The following PAXBP1 variants were observed in gnomAD, a reference collection of about 807,000 sequenced individuals.
The protein encoded by PAXBP1 is PAX3 and PAX7 binding protein 1.
In PAXBP1, 44 loss-of-function variants were observed where a neutral mutation model predicts 119.9. The ratio of observed to expected loss-of-function variants is 0.37; its 90% CI spans 0.29 to 0.47. PAXBP1 has a LOEUF of 0.47. Among genes scored for constraint, PAXBP1 ranks in the 20% least tolerant of loss-of-function variants. The pLI is 0.99. For missense variants in PAXBP1, 898 were observed against 1,134.1 expected (o/e 0.79, Z 2.99); for synonymous variants, 393 against 406.6 (o/e 0.97, Z 0.40).
chr21:32,740,957 T>G (rs1254340803), intron 15 of PAXBP1, among the ~76,000 whole-genome samples: 1 of 151,926 alleles, frequency 6.6e-6, no homozygotes, highest in Non-Finnish European at 1.5e-5. Flanking sequence ...ATAAACAAAT[T>G]CCAAATAAGC....
Position 32,771,335 on chromosome 21 carries a change from C to A in PAXBP1, c.334G>T (p.Glu112Ter). ...GAAGCGCGCACTTTACCTTCCTCCT[C>A]GTCCTGGAAGCTGAGCAGGCTGGCC... The part of the protein sequence containing the change: ...PRASLLSFQD[E>*]EEENEEVFKV... The change falls in exon 1 of 18, where the codon GAG becomes TAG. Residue 112 changes from glutamate to a stop codon, truncating the protein, a stop_gained. Coordinates refer to ENST00000331923, the MANE Select transcript of PAXBP1 (RefSeq NM_016631.4). LOFTEE classifies it high-confidence loss of function. 3 of 1,582,876 alleles carry A rather than the reference C, an allele frequency of 1.9e-6. No individual in the cohort carries two copies. The highest frequency in any genetic ancestry group is 2.6e-6 in the Non-Finnish European group (3 of 1,172,146).
intron 4 of PAXBP1, 131 bp downstream of exon 4, chr21:32,761,965 C>T (rs924914569): frequency 1.8e-5 from 16 of 898,664 alleles, no homozygotes; most frequent in East Asian, 7.9e-5. Context: ...TTTGAGTCCA[C>T]GAGTCAAGAC....
intron 1 of PAXBP1, among the ~76,000 whole-genome samples, chr21:32,770,431 T>C (rs889330776): frequency 2.0e-5 from 3 of 152,070 alleles, no homozygotes; most frequent in Non-Finnish European, 2.9e-5. Context: ...TAAAAAAAAA[T>C]AGCTCATGTA....
chr21:32,767,590 T>C (rs938275510), intron 2 of PAXBP1, among the ~76,000 whole-genome samples: 3 of 152,164 alleles, frequency 2.0e-5, no homozygotes, highest in Non-Finnish European at 4.4e-5. Flanking sequence ...AACTAAATCA[T>C]GGGGGCTGGT....
chr21:32,767,324 C>T (rs184195763), intron 2 of PAXBP1, among the ~76,000 whole-genome samples: 1 of 152,138 alleles, frequency 6.6e-6, no homozygotes. Context: ...TTACCAATGA[C>T]AACCTACAAT....
chr21:32,753,425 CAA>C (rs757858309), intron 8 of PAXBP1, among the ~76,000 whole-genome samples: 282 of 90,950 alleles, frequency 3.1e-3, no homozygotes, highest in Middle Eastern at 0.023. Context: ...GACTCCGTCT[CAA>C]AAAAAAAAAA....
rs543692872 is a variant in PAXBP1, at chr21:32,734,347, C to T, written c.*603G>A. The T allele has an allele frequency of 6.5e-6, 1 of 152,762 alleles. No homozygotes were observed. Among genetic ancestry groups the T allele is most frequent in the Non-Finnish European group, 1.5e-5 (1 of 68,182 alleles). 9.5% of individuals were successfully genotyped at this position (152,762 alleles called of 1,614,324 possible). On this transcript the variant is annotated 3_prime_UTR_variant, in exon 18 of 18. Coordinates refer to ENST00000331923, the MANE Select transcript of PAXBP1 (RefSeq NM_016631.4). ...TCATTTAGCATTCACATTAAACCCA[C>T]ATTTGACTCTAACGCTGATTCAAGG...
chr21:32,743,553 C>A lies in PAXBP1; in HGVS notation c.2267+125G>T, dbSNP rs1408539472. The A allele has an allele frequency of 5.2e-6, 4 of 773,426 alleles. No individual in the cohort carries two copies. In the Admixed American group the frequency reaches 8.6e-5, roughly 17 times the overall value. The allele number at this position is 773,426 out of a possible 1,614,324, so 47.9% of individuals were successfully genotyped here. ...TTAAGGGAACAATCTCGCCACTAATCTAGTCTCTCTGTAATACACTACATG... is the reference window on the plus strand; with the variant it reads ...TTAAGGGAACAATCTCGCCACTAATATAGTCTCTCTGTAATACACTACATG... On this transcript the variant is annotated intron_variant, in intron 14 of 17. Coordinates refer to ENST00000331923, the MANE Select transcript of PAXBP1 (RefSeq NM_016631.4).
chr21:32,761,206 G>T, intron 4 of PAXBP1, 44 bp from the exon 5 acceptor site: 1 of 1,451,456 alleles, frequency 6.9e-7, no homozygotes. Flanking sequence ...CACCCAAAGA[G>T]CAAAGAGGTA....
At position 32,734,539 on chromosome 21, in the gene PAXBP1, C is replaced by A. The variant is rs1302786887; in HGVS notation, c.*411G>T. On this transcript the variant is annotated 3_prime_UTR_variant, in exon 18 of 18. Transcript: ENST00000331923. ...GTAATTTCCCTAAGACAATTTGCTA[C>A]CGGATAATTTTCTGCTGTTAAAAGG... 1 of 191,694 alleles carries A rather than the reference C, an allele frequency of 5.2e-6. No homozygotes were observed. Among genetic ancestry groups the A allele is most frequent in the Non-Finnish European group, 1.1e-5 (1 of 93,642 alleles). 11.9% of individuals were successfully genotyped at this position (191,694 alleles called of 1,614,324 possible). A position where few individuals can be genotyped will look rare whatever the true frequency, so the allele number is the denominator to read the frequency against.
intron 10 of PAXBP1, 25 bp downstream of exon 10, chr21:32,750,892 T>A: frequency 6.5e-7 from 1 of 1,543,860 alleles, no homozygotes; most frequent in Non-Finnish European, 8.9e-7. Flanking sequence ...TGATGATGAG[T>A]CTTATTTCCA....
intron 10 of PAXBP1, among the ~76,000 whole-genome samples, chr21:32,749,818 A>G (rs922794159): frequency 6.6e-6 from 1 of 152,216 alleles, no homozygotes; most frequent in Non-Finnish European, 1.5e-5. Flanking sequence ...AGGACAGTCT[A>G]TAAGAGAAGT....
At position 32,743,229 on chromosome 21, in the gene PAXBP1, A is replaced by G. The variant is rs748569130; in HGVS notation, c.2334+19T>C. 1.9e-6 allele frequency: 3 copies of G among 1,556,310 alleles called. No homozygotes were observed. The highest frequency in any genetic ancestry group is 1.4e-5 in the African/African-American group (1 of 72,094). ...GTCAAACGAAATCTGAGTCTTTTAG[A>G]TAGTCTATGGACACGTACCTTAACT... is the stretch of plus-strand genomic sequence containing the variant. On this transcript the variant is annotated intron_variant, in intron 15 of 17. Coordinates refer to ENST00000331923, the MANE Select transcript of PAXBP1 (RefSeq NM_016631.4).
chr21:32,735,030 C>T lies in PAXBP1; in HGVS notation c.2674G>A (p.Val892Ile). The T allele has an allele frequency of 6.2e-7, 1 of 1,613,746 alleles. No homozygotes were observed. Among genetic ancestry groups the T allele is most frequent in the East Asian group, 2.2e-5 (1 of 44,826 alleles). ...IKQIVKLLAS[V>I]RALDHAMSVA... ...GACATAGCATGATCCAAAGCTCGAA[C>T]ACTTGCAAGGAGTTTTACTATCTGT... Residue 892 changes from valine (V) to isoleucine (I), a missense_variant, in exon 18 of 18, where the codon GTT becomes ATT. By Grantham distance (29) the Val-to-Ile change is conservative (BLOSUM62 3). Transcript: ENST00000331923.
At chr21:32,748,148 T>C (rs913793263) in intron 11 of PAXBP1, among the ~76,000 whole-genome samples, 3 of 152,120 alleles carry the variant, frequency 2.0e-5, no homozygotes, top group Non-Finnish European at 4.4e-5. Context: ...ACCTGCCTCA[T>C]TGTGCTTTCC....
rs1263145775 is a variant in PAXBP1, at chr21:32,771,731, T to A, written c.-63A>T. The A allele has an allele frequency of 7.8e-7, 1 of 1,288,994 alleles. No homozygotes were observed. The allele number at this position is 1,288,994 out of a possible 1,614,324, so 79.8% of individuals were successfully genotyped here. A position where few individuals can be genotyped will look rare whatever the true frequency, so the allele number is the denominator to read the frequency against. On this transcript the variant is annotated 5_prime_UTR_variant, in exon 1 of 18. Transcript: ENST00000331923. ...CACCGCGGCCCCGGCAGCGCCGAGCTCGTGACGGCGCACGCGCGCTCTCCG... is the reference window on the plus strand; with the variant it reads ...CACCGCGGCCCCGGCAGCGCCGAGCACGTGACGGCGCACGCGCGCTCTCCG...
At chr21:32,765,611 T>C (rs1029763061) in intron 2 of PAXBP1, among the ~76,000 whole-genome samples, 1 of 152,188 alleles carries the variant, frequency 6.6e-6, no homozygotes, top group Non-Finnish European at 1.5e-5. Context: ...CAAACCATAC[T>C]GTACTCCCTT....
Position 32,751,048 on chromosome 21 carries a change from C to T in PAXBP1, c.1608-16G>A. On this transcript the variant is annotated splice_polypyrimidine_tract_variant and intron_variant, in intron 9 of 17. Coordinates refer to ENST00000331923, the MANE Select transcript of PAXBP1 (RefSeq NM_016631.4). ...ACGACGAGTCCTAAATAATAAACAT[C>T]AAGTTCCCAAACTAGATAACAGAGA... The T allele has an allele frequency of 1.2e-6, 2 of 1,613,326 alleles. No homozygotes were observed. The highest frequency in any genetic ancestry group is 1.7e-6 in the Non-Finnish European group (2 of 1,179,536).
Position 32,759,917 on chromosome 21 carries a change from A to G in PAXBP1, c.1053T>C (p.Tyr351=). 1.2e-6 allele frequency: 2 copies of G among 1,613,924 alleles called. No individual in the cohort carries two copies. Among genetic ancestry groups the G allele is most frequent in the Non-Finnish European group, 1.7e-6 (2 of 1,179,752 alleles). Residue 351 remains tyrosine, a synonymous_variant, in exon 6 of 18, where the codon TAT becomes TAC. Transcript: ENST00000331923. ...AGGCCGTATAACTATAAGGAATGCC[A>G]TAGGATGAGCCGTAAGGCATTGTCT... The part of the protein sequence containing the change: ...TYQTMPYGSS[Y]GIPYSYTAYG...
Sources: gnomAD v4.1 joint callset for allele counts (sites outside exome capture counted in the v4.1 genomes callset) on GRCh38, gnomAD v4.1.1 for gene constraint, MANE v1.5 for transcripts, NCBI Gene and HGNC (gene_info 2026-07-23, HGNC 2026-07-21) for gene names.